BLOC1S5: variants seen among roughly 807,000 people sequenced by gnomAD.
The protein encoded by BLOC1S5 is biogenesis of lysosome-related organelles complex 1 subunit 5.
A neutral mutation model predicts 24.3 loss-of-function variants in BLOC1S5; 27 were observed. That is an observed-to-expected ratio of 1.11 (90% CI 0.82 to 1.53). The LOEUF (loss-of-function observed/expected upper bound fraction) is 1.53, where lower values mean the gene tolerates loss of function less well. BLOC1S5 is among the 40% of genes most tolerant of loss of function. The pLI, the probability that BLOC1S5 is intolerant of heterozygous loss-of-function variation, is 0.00. For synonymous variants in BLOC1S5, 84 were observed against 74.5 expected, an observed-to-expected ratio of 1.13 and a Z score of -0.66; for missense variants, 239 against 229.4, an observed-to-expected ratio of 1.04 and a Z score of -0.27.
At chr6:8,019,971 A>C (rs1227110828) in intron 4 of BLOC1S5, among the ~76,000 whole-genome samples, 1 of 152,188 alleles carries the variant, frequency 6.6e-6, no homozygotes, top group Non-Finnish European at 1.5e-5. Flanking sequence ...AAAAACTTAA[A>C]ACACACAGTA....
intron 2 of BLOC1S5, among the ~76,000 whole-genome samples, chr6:8,049,200 A>T (rs568680936): frequency 2.6e-5 from 4 of 151,914 alleles, no homozygotes; most frequent in African/African-American, 7.2e-5. Context: ...GTGAAACCCC[A>T]TCTCTACTAA....
chr6:8,058,429 G>T (rs1435769525), intron 2 of BLOC1S5, among the ~76,000 whole-genome samples: 1 of 144,700 alleles, frequency 6.9e-6, no homozygotes, highest in East Asian at 2.1e-4. Flanking sequence ...AGAATCAAGA[G>T]AGAGTAGTGG....
intron 2 of BLOC1S5, among the ~76,000 whole-genome samples, chr6:8,045,558 A>G (rs2113573593): frequency 6.6e-6 from 1 of 152,280 alleles, no homozygotes; most frequent in Non-Finnish European, 1.5e-5. Context: ...ACAGACACTC[A>G]ATGCCAGCCT....
intron 2 of BLOC1S5, among the ~76,000 whole-genome samples, chr6:8,059,287 GA>G (rs1311196053): frequency 2.0e-5 from 3 of 152,182 alleles, no homozygotes; most frequent in East Asian, 1.9e-4. Context: ...AAAACAAAAA[GA>G]GAGCTTAAAA....
At chr6:8,047,422 G>A (rs550666457) in intron 2 of BLOC1S5, among the ~76,000 whole-genome samples, 205 of 152,114 alleles carry the variant, frequency 1.3e-3, no homozygotes, top group Non-Finnish European at 2.3e-3. Context: ...CTCTATAAAA[G>A]ACATTTGTTG....
intron 2 of BLOC1S5, among the ~76,000 whole-genome samples, chr6:8,061,749 C>G (rs916376815): frequency 3.3e-5 from 5 of 152,344 alleles, no homozygotes; most frequent in Admixed American, 6.5e-5. Flanking sequence ...ACCATCCCAA[C>G]AGCAGTTTGA....
At chr6:8,047,399 G>A (rs1763944026) in intron 2 of BLOC1S5, among the ~76,000 whole-genome samples, 1 of 151,934 alleles carries the variant, frequency 6.6e-6, no homozygotes, top group Non-Finnish European at 1.5e-5. Flanking sequence ...ATAGAGACAG[G>A]GTTGTCCCAT....
intron 3 of BLOC1S5, among the ~76,000 whole-genome samples, chr6:8,027,912 T>C (rs776272407): frequency 5.6e-4 from 85 of 152,316 alleles, no homozygotes; most frequent in Non-Finnish European, 1.1e-3. Context: ...AGAAAATCCT[T>C]TCCTTATTTC....
At chr6:8,043,774 G>C (rs916079859) in intron 2 of BLOC1S5, among the ~76,000 whole-genome samples, 4 of 152,208 alleles carry the variant, frequency 2.6e-5, no homozygotes, top group Non-Finnish European at 4.4e-5. Flanking sequence ...GTGAGGTGTT[G>C]ATATGGTTTG....
At chr6:8,054,203 C>T (rs1764234074) in intron 2 of BLOC1S5, 1 of 430,804 alleles carries the variant, frequency 2.3e-6, no homozygotes, top group African/African-American at 2.0e-5. Context: ...GAAACAGCAT[C>T]CTTTTACTTC....
Position 8,026,443 on chromosome 6 carries a change from T to A in BLOC1S5, c.326-18A>T, listed in dbSNP as rs1431786180. 5.6e-6 allele frequency: 9 copies of A among 1,609,182 alleles called. No homozygotes were observed. In the South Asian group the frequency reaches 8.8e-5, roughly 16 times the overall value. On this transcript the variant is annotated intron_variant, in intron 3 of 4. Coordinates refer to ENST00000397457, the MANE Select transcript of BLOC1S5 (RefSeq NM_201280.3). ...TGCTTGCACTGAAATGAAAAAGACATGGGTTTTCAGTCAGCAGACCATGTT... is the reference window on the plus strand; with the variant it reads ...TGCTTGCACTGAAATGAAAAAGACAAGGGTTTTCAGTCAGCAGACCATGTT...
intron 3 of BLOC1S5, among the ~76,000 whole-genome samples, chr6:8,033,667 A>T (rs1763380957): frequency 1.3e-5 from 2 of 152,232 alleles, no homozygotes; most frequent in South Asian, 4.1e-4. Flanking sequence ...ACAGCAAAAG[A>T]AACTACCATC....
chr6:8,026,200 T>A (rs972556162), intron 4 of BLOC1S5, among the ~76,000 whole-genome samples, 167 bp downstream of exon 4: 1 of 152,190 alleles, frequency 6.6e-6, no homozygotes, highest in African/African-American at 2.4e-5. Context: ...ATTATAAAAA[T>A]ATTGATGGTA....
At chr6:8,047,606 C>T (rs1200593693) in intron 2 of BLOC1S5, among the ~76,000 whole-genome samples, 1 of 152,182 alleles carries the variant, frequency 6.6e-6, no homozygotes, top group African/African-American at 2.4e-5. Flanking sequence ...TTTCCCCTTT[C>T]ACTTTTTTCC....
chr6:8,031,937 T>A (rs569864407), intron 3 of BLOC1S5, among the ~76,000 whole-genome samples: 1 of 152,306 alleles, frequency 6.6e-6, no homozygotes, highest in South Asian at 2.1e-4. Flanking sequence ...TGAAACTGGA[T>A]CCTCATCTCT....
intron 4 of BLOC1S5, among the ~76,000 whole-genome samples, chr6:8,017,559 T>C (rs551122915): frequency 6.6e-6 from 1 of 152,356 alleles, no homozygotes; most frequent in African/African-American, 2.4e-5. Context: ...CTTCAGGCTG[T>C]TCATCACGTT....
intron 2 of BLOC1S5, among the ~76,000 whole-genome samples, chr6:8,041,655 C>CTTTCTTTTTTTTTTTTT (rs111955375): frequency 2.8e-4 from 31 of 111,862 alleles, no homozygotes; most frequent in African/African-American, 3.2e-4. Context: ...TTCTTTCTTT[C>CTTTCTTTTTTTTTTTTT]TTTTTTTTTG....
At chr6:8,057,738 A>G (rs906801941) in intron 2 of BLOC1S5, among the ~76,000 whole-genome samples, 1 of 152,222 alleles carries the variant, frequency 6.6e-6, no homozygotes, top group African/African-American at 2.4e-5. Flanking sequence ...AATTTAACCC[A>G]CATTAGAATT....
chr6:8,048,854 A>G (rs1483992487), intron 2 of BLOC1S5, among the ~76,000 whole-genome samples: 1 of 150,730 alleles, frequency 6.6e-6, no homozygotes, highest in Non-Finnish European at 1.5e-5. Context: ...CTCTACTAAA[A>G]ATACAAAAAT....
Sources: gnomAD v4.1 joint callset for allele counts (sites outside exome capture counted in the v4.1 genomes callset) on GRCh38, gnomAD v4.1.1 for gene constraint, MANE v1.5 for transcripts, NCBI Gene and HGNC (gene_info 2026-07-23, HGNC 2026-07-21) for gene names.